The following FUBP1 variants were observed in gnomAD, a reference collection of about 807,000 sequenced individuals.
The protein encoded by FUBP1 is far upstream element binding protein 1.
Under a neutral mutation model 94.9 loss-of-function variants are expected in FUBP1, and 16 were observed. That is an observed-to-expected ratio of 0.17 (90% CI 0.11 to 0.26). The LOEUF is 0.26. Among genes scored for constraint, FUBP1 ranks in the 10% least tolerant of loss-of-function variants. The probability of loss-of-function intolerance (pLI) is 1.00; values close to 1 mark genes in which losing one functional copy is unlikely to be tolerated. For synonymous variants in FUBP1, 279 were observed against 254.9 expected (o/e 1.09, Z -0.90); for missense variants, 583 against 808.6 (o/e 0.72, Z 3.38).
chr1:77,971,072 A>AAC (rs1553127293), intron 1 of FUBP1, among the ~76,000 whole-genome samples: 3 of 151,954 alleles, frequency 2.0e-5, no homozygotes, highest in African/African-American at 7.3e-5. Context: ...AAAAAAAAAA[A>AAC]CCTGGCTTCA....
In FUBP1 at chr1:77,948,555, CA is replaced by C. The variant is rs1652658695; in HGVS notation, c.*210del. On this transcript the variant is annotated 3_prime_UTR_variant, in exon 20 of 20. Coordinates refer to ENST00000370768, the MANE Select transcript of FUBP1 (RefSeq NM_003902.5). ...GTACATCTACACTAAATACTAAAAA[CA>C]AACCAATTTTCATTTCTACACAGAA... 1.5e-6 allele frequency: 2 copies of C among 1,299,108 alleles called. No individual in the cohort carries two copies. Among genetic ancestry groups the C allele is most frequent in the Non-Finnish European group, 9.9e-7 (1 of 1,014,084 alleles). 80.5% of individuals were successfully genotyped at this position (1,299,108 alleles called of 1,614,324 possible). A position where few individuals can be genotyped will look rare whatever the true frequency, so the allele number is the denominator to read the frequency against.
chr1:77,979,305 T>TA, upstream of FUBP1: 1 of 372,954 alleles, frequency 2.7e-6, no homozygotes, highest in Non-Finnish European at 5.0e-6. Flanking sequence ...TGAGGCTGGG[T>TA]AATTGTTCCT....
chr1:77,956,749 TCTCA>T, intron 16 of FUBP1, 49 bp from the exon 17 acceptor site: 2 of 1,484,974 alleles, frequency 1.3e-6, no homozygotes, highest in Non-Finnish European at 1.9e-6. Context: ...TGTAATTCTC[TCTCA>T]CACACACACA....
chr1:77,947,869 C>G lies in FUBP1; in HGVS notation c.*897G>C. Reference sequence around the variant, plus strand: ...AGCTATACTTTTTGCACACTATTCACTTTTCTATCCTAAATTTAGAAAGAA... The same window carrying G: ...AGCTATACTTTTTGCACACTATTCAGTTTTCTATCCTAAATTTAGAAAGAA... On this transcript the variant is annotated 3_prime_UTR_variant, in exon 20 of 20. Transcript: ENST00000370768. 1 of 1,093,462 alleles carries G rather than the reference C, an allele frequency of 9.1e-7. No homozygotes were observed. The highest frequency in any genetic ancestry group is 2.9e-5 in the South Asian group (1 of 34,620). 67.7% of individuals were successfully genotyped at this position (1,093,462 alleles called of 1,614,324 possible). A position where few individuals can be genotyped will look rare whatever the true frequency, so the allele number is the denominator to read the frequency against.
chr1:77,950,009 CTT>C (rs980106848), intron 18 of FUBP1, among the ~76,000 whole-genome samples: 15 of 152,300 alleles, frequency 9.8e-5, no homozygotes, highest in African/African-American at 2.4e-4. Flanking sequence ...AATAAGGTGA[CTT>C]TGCTGAATTA....
At position 77,948,217 on chromosome 1, in the gene FUBP1, CCAATA is replaced by C; in HGVS notation, c.*544_*548del. 5 of 1,051,664 alleles carry C rather than the reference CCAATA, an allele frequency of 4.8e-6. No homozygotes were observed. The highest frequency in any genetic ancestry group is 5.7e-6 in the Non-Finnish European group (5 of 870,460). The allele number at this position is 1,051,664 out of a possible 1,614,324, so 65.1% of individuals were successfully genotyped here. A position where few individuals can be genotyped will look rare whatever the true frequency, so the allele number is the denominator to read the frequency against. On this transcript the variant is annotated 3_prime_UTR_variant, in exon 20 of 20. Coordinates refer to ENST00000370768, the MANE Select transcript of FUBP1 (RefSeq NM_003902.5). ...ATCAGGATTACTTGTGCTGAAAGAG[CCAATA>C]CAATAAATGGAAAAGATCCTCCAAT...
chr1:77,962,842 C>T lies in FUBP1; in HGVS notation c.1272G>A (p.Met424Ile), dbSNP rs1321799010. Residue 424 changes from methionine to isoleucine, a missense_variant, in exon 14 of 20, where the codon ATG (methionine) becomes ATA (isoleucine). Physicochemically the swap from Met to Ile is conservative, Grantham distance 10. Coordinates refer to ENST00000370768, the MANE Select transcript of FUBP1 (RefSeq NM_003902.5). ...RNPPPNADPN[M>I]KLFTIRGTPQ... ...GAGTGCCACGAATTGTAAATAACTTCATATTAGGATCTGCATTTGGTGGAG... is the reference window on the plus strand; with the variant it reads ...GAGTGCCACGAATTGTAAATAACTTTATATTAGGATCTGCATTTGGTGGAG... 1 of 1,611,444 alleles carries T rather than the reference C, an allele frequency of 6.2e-7. No individual in the cohort carries two copies. Among genetic ancestry groups the T allele is most frequent in the Non-Finnish European group, 8.5e-7 (1 of 1,177,600 alleles).
intron 18 of FUBP1, among the ~76,000 whole-genome samples, chr1:77,950,099 G>A (rs1039363664): frequency 2.0e-5 from 3 of 152,178 alleles, no homozygotes; most frequent in Admixed American, 6.5e-5. Context: ...ACACACAGAC[G>A]ACAAAAGACA....
At position 77,965,199 on chromosome 1, in the gene FUBP1, T is replaced by C; in HGVS notation, c.506A>G (p.Glu169Gly). 6.2e-7 allele frequency: 1 copy of C among 1,610,364 alleles called. No homozygotes were observed. Among genetic ancestry groups the C allele is most frequent in the South Asian group, 1.1e-5 (1 of 90,962 alleles). Residue 169 changes from glutamate (E) to glycine (G), a missense_variant, in exon 8 of 20, where the codon GAA (glutamate) becomes GGA (glycine). Physicochemically the swap from Glu to Gly is moderately conservative, Grantham distance 98 (BLOSUM62 -2). Coordinates refer to ENST00000370768, the MANE Select transcript of FUBP1 (RefSeq NM_003902.5). ...GAAGCCAGGAGCTGGTCTTCCTTTT[T>C]CAACAATCTGGTCCAGTAACCGTTT... ...SAKRLLDQIVEKGRPAPGFHH... is the reference protein window; with the variant it reads ...SAKRLLDQIVGKGRPAPGFHH...
chr1:77,969,115 T>C (rs950468269), intron 2 of FUBP1: 7 of 923,240 alleles, frequency 7.6e-6, no homozygotes, highest in Non-Finnish European at 1.1e-5. Context: ...ATACATTACA[T>C]ACAACATCTG....
At chr1:77,974,398 C>T (rs1051180224) in intron 1 of FUBP1, among the ~76,000 whole-genome samples, 1 of 152,120 alleles carries the variant, frequency 6.6e-6, no homozygotes, top group African/African-American at 2.4e-5. Context: ...TCCCAAAGTG[C>T]TGAGATTACA....
intron 2 of FUBP1, 85 bp from the exon 3 acceptor site, chr1:77,968,288 C>A: frequency 1.3e-6 from 1 of 773,538 alleles, no homozygotes; most frequent in Non-Finnish European, 2.1e-6. Context: ...ACAATATAAA[C>A]ATTTATTGAA....
At chr1:77,955,972 A>T (rs1223261032) in intron 17 of FUBP1, among the ~76,000 whole-genome samples, 1 of 152,242 alleles carries the variant, frequency 6.6e-6, no homozygotes, top group Non-Finnish European at 1.5e-5. Flanking sequence ...AGTGCTTAAA[A>T]GAATGACAGG....
chr1:77,968,090 C>T, intron 3 of FUBP1, 75 bp downstream of exon 3: 1 of 925,232 alleles, frequency 1.1e-6, no homozygotes, highest in East Asian at 2.8e-5. Flanking sequence ...TTCAAAGATA[C>T]CCAATAATAT....
rs369776228 is a variant in FUBP1 at position 77,962,786 on chromosome 1, A to G, written c.1328T>C (p.Ile443Thr). ...PQQIDYARQL[I>T]EEKIGGPVNP... The stretch of plus-strand genomic sequence containing the variant: ...TATACTCACACCAATCTTTTCTTCT[A>G]TGAGTTGCCGAGCATAGTCTATCTG... The change falls in exon 14 of 20, where the codon ATA (isoleucine) becomes ACA (threonine). Residue 443 changes from isoleucine to threonine, a missense_variant. Physicochemically the swap from Ile to Thr is moderately conservative, Grantham distance 89. Coordinates refer to ENST00000370768, the MANE Select transcript of FUBP1 (RefSeq NM_003902.5). 5.0e-6 allele frequency: 8 copies of G among 1,610,840 alleles called. No homozygotes were observed. The highest frequency in any genetic ancestry group is 6.8e-6 in the Non-Finnish European group (8 of 1,177,550).
intron 7 of FUBP1, among the ~76,000 whole-genome samples, chr1:77,965,620 A>T (rs1656324886): frequency 6.6e-6 from 1 of 152,256 alleles, no homozygotes; most frequent in Non-Finnish European, 1.5e-5. Context: ...TTAAATATCA[A>T]CTATGTGCAG....
At chr1:77,964,503 CAA>C (rs977505057) in intron 10 of FUBP1, 141 bp downstream of exon 10, 1 of 664,772 alleles carries the variant, frequency 1.5e-6, no homozygotes, top group Non-Finnish European at 2.6e-6. Flanking sequence ...AATAGGGTAA[CAA>C]GATATATAGA....
intron 14 of FUBP1, 122 bp downstream of exon 14, chr1:77,962,648 A>G: frequency 1.8e-6 from 1 of 563,938 alleles, no homozygotes; most frequent in Non-Finnish European, 3.1e-6. Context: ...TATACATATC[A>G]TGAAATCTAT....
In FUBP1 at chr1:77,963,937, T is replaced by G. The variant is rs931734437; in HGVS notation, c.1041+125A>C. On this transcript the variant is annotated intron_variant, in intron 12 of 19. Coordinates refer to ENST00000370768, the MANE Select transcript of FUBP1 (RefSeq NM_003902.5). ...CTCCAAGATCTTTACCTTAAAGCAATTTAAACTTTCTCCATTAATAAAGCA... is the reference window on the plus strand; with the variant it reads ...CTCCAAGATCTTTACCTTAAAGCAAGTTAAACTTTCTCCATTAATAAAGCA... The G allele has an allele frequency of 1.8e-5, 13 of 725,292 alleles. No individual in the cohort carries two copies. In the African/African-American group the frequency reaches 2.3e-4, roughly 13 times the overall value. 44.9% of individuals were successfully genotyped at this position (725,292 alleles called of 1,614,324 possible).
Sources: allele counts gnomAD v4.1 joint callset (sites outside exome capture counted in the v4.1 genomes callset), GRCh38; gene constraint gnomAD v4.1.1; transcripts MANE v1.5; gene names NCBI Gene and HGNC (gene_info 2026-07-23, HGNC 2026-07-21).